The following PCCA variants were observed in gnomAD, a reference collection of about 807,000 sequenced individuals.
PCCA encodes propionyl-CoA carboxylase subunit alpha.
In PCCA, 74 loss-of-function variants were observed where a neutral mutation model predicts 101.3. That is an observed-to-expected ratio of 0.73 (90% CI 0.61 to 0.89). The LOEUF (loss-of-function observed/expected upper bound fraction) is 0.89, where lower values mean the gene tolerates loss of function less well. Among genes scored for constraint, PCCA ranks in the 40% least tolerant of loss-of-function variants. PCCA has a pLI of 0.00. For missense variants in PCCA, 891 were observed against 907.0 expected (o/e 0.98, Z 0.23); for synonymous variants, 294 against 313.6 (o/e 0.94, Z 0.66).
chr13:100,219,908 T>C (rs2059716151), intron 7 of PCCA, among the ~76,000 whole-genome samples: 1 of 152,228 alleles, frequency 6.6e-6, no homozygotes, highest in Non-Finnish European at 1.5e-5. Flanking sequence ...AAGGGTATCA[T>C]CTTATTCTGG....
At chr13:100,408,188 TTTAA>T (rs1214304636) in intron 19 of PCCA, among the ~76,000 whole-genome samples, 1 of 152,144 alleles carries the variant, frequency 6.6e-6, no homozygotes, top group Non-Finnish European at 1.5e-5. Flanking sequence ...GTTTTAATTG[TTTAA>T]TTGTGTGCTA....
At chr13:100,269,421 C>A (rs970306786) in intron 11 of PCCA, among the ~76,000 whole-genome samples, 36 of 152,088 alleles carry the variant, frequency 2.4e-4, no homozygotes, top group Admixed American at 1.8e-3. Context: ...TCTAGACTTT[C>A]ATGTTGGTGA....
At chr13:100,468,780 T>G (rs1190124773) in intron 21 of PCCA, among the ~76,000 whole-genome samples, 1 of 152,148 alleles carries the variant, frequency 6.6e-6, no homozygotes, top group Non-Finnish European at 1.5e-5. Context: ...ATCCCAGCAC[T>G]TTGGGAGGCC....
At position 100,450,388 on chromosome 13, in the gene PCCA, C is replaced by T. The variant is rs552965566; in HGVS notation, c.1899+1083C>T. Among the ~76,000 whole-genome samples the T allele has an allele frequency of 4.5e-3, 678 of 149,582 alleles. 5 individuals are homozygous for T. The highest frequency in any genetic ancestry group is 0.016 in the African/African-American group (647 of 40,706). On this transcript the variant is annotated intron_variant, in intron 21 of 23. Coordinates refer to ENST00000376285, the MANE Select transcript of PCCA (RefSeq NM_000282.4). ...TAGCTTGTGTGACAGAGCGAGACCC[C>T]GTCTCAAAAAAAAAAAAAGTACCTT...
In PCCA at chr13:100,128,983, A is replaced by G. The variant is rs541799317; in HGVS notation, c.300+16922A>G. Among the ~76,000 whole-genome samples the G allele has an allele frequency of 6.6e-5, 10 of 152,244 alleles. No homozygotes were observed. The South Asian group carries it at 1.9e-3, about 28-fold the overall frequency. The stretch of plus-strand genomic sequence containing the variant: ...TGTTTCTGTGGTTTTAATCAACCCT[A>G]GACTCCAACTCTGTTTTCTCTCTCT... On this transcript the variant is annotated intron_variant, in intron 4 of 23. Coordinates refer to ENST00000376285, the MANE Select transcript of PCCA (RefSeq NM_000282.4).
chr13:100,094,745 G>A (rs929376515), intron 1 of PCCA, among the ~76,000 whole-genome samples: 9 of 152,146 alleles, frequency 5.9e-5, no homozygotes, highest in African/African-American at 1.7e-4. Context: ...GTGCCACCAT[G>A]CCCAGCTAAT....
chr13:100,512,562 G>A (rs1281917809), intron 21 of PCCA, among the ~76,000 whole-genome samples: 1 of 152,064 alleles, frequency 6.6e-6, no homozygotes, highest in Non-Finnish European at 1.5e-5. Context: ...GACCAGCCCC[G>A]AGCTCACTGG....
chr13:100,126,296 A>G (rs971442440), intron 4 of PCCA, among the ~76,000 whole-genome samples: 2 of 151,190 alleles, frequency 1.3e-5, no homozygotes, highest in Middle Eastern at 6.3e-3. Context: ...TTTTTTTTTT[A>G]ACAGAGTCAT....
chr13:100,142,620 C>T (rs945530152), intron 4 of PCCA, among the ~76,000 whole-genome samples: 3 of 151,904 alleles, frequency 2.0e-5, no homozygotes, highest in African/African-American at 4.8e-5. Context: ...ATTACAAGTG[C>T]GTGCCACGAC....
chr13:100,304,441 T>C (rs2066302207), intron 14 of PCCA, among the ~76,000 whole-genome samples: 1 of 152,196 alleles, frequency 6.6e-6, no homozygotes, highest in African/African-American at 2.4e-5. Context: ...GCTGTAATTA[T>C]GTATCTCCAT....
intron 19 of PCCA, among the ~76,000 whole-genome samples, chr13:100,422,310 AT>A (rs932380386): frequency 3.3e-5 from 5 of 150,680 alleles, no homozygotes; most frequent in African/African-American, 7.3e-5. Context: ...AGTAAAAAAA[AT>A]TTTTTTTGTA....
chr13:100,336,104 A>C (rs569072496), intron 17 of PCCA, among the ~76,000 whole-genome samples: 2 of 152,082 alleles, frequency 1.3e-5, no homozygotes, highest in Admixed American at 1.3e-4. Context: ...CTCTACTAAA[A>C]ATACAAAATT....
In PCCA at chr13:100,246,451, A is replaced by C. The variant is rs1315909995; in HGVS notation, c.637+10573A>C. ...CAGCCACTGGAGTAGCTGGGACTACAGGCACATGCCACCACTTTTGGCTAA... is the reference window on the plus strand; with the variant it reads ...CAGCCACTGGAGTAGCTGGGACTACCGGCACATGCCACCACTTTTGGCTAA... On this transcript the variant is annotated intron_variant, in intron 8 of 23. Transcript: ENST00000376285. Among the ~76,000 whole-genome samples the C allele has an allele frequency of 2.0e-5, 3 of 152,094 alleles. No homozygotes were observed. The East Asian group carries it at 5.8e-4, about 29-fold the overall frequency.
intron 21 of PCCA, among the ~76,000 whole-genome samples, chr13:100,489,401 GTA>G (rs1404332086): frequency 2.0e-5 from 3 of 152,236 alleles, no homozygotes; most frequent in Non-Finnish European, 4.4e-5. Context: ...AACTGACAGT[GTA>G]ACATGCAAAA....
At chr13:100,343,454 A>G (rs776629877) in intron 18 of PCCA, among the ~76,000 whole-genome samples, 1 of 152,264 alleles carries the variant, frequency 6.6e-6, no homozygotes, top group African/African-American at 2.4e-5. Context: ...AAGAATAAAC[A>G]GCTACATTCA....
At chr13:100,325,100 T>C (rs909022233) in intron 16 of PCCA, among the ~76,000 whole-genome samples, 1 of 152,118 alleles carries the variant, frequency 6.6e-6, no homozygotes, top group African/African-American at 2.4e-5. Context: ...GTAAGGACCA[T>C]TGTAAAAAAA....
chr13:100,238,395 T>C (rs906972477), intron 8 of PCCA, among the ~76,000 whole-genome samples: 17 of 152,206 alleles, frequency 1.1e-4, no homozygotes, highest in Non-Finnish European at 2.5e-4. Context: ...CTACTGAAGT[T>C]ACCTAATCTA....
intron 21 of PCCA, among the ~76,000 whole-genome samples, chr13:100,500,915 G>A (rs758727486): frequency 3.3e-5 from 5 of 152,266 alleles, no homozygotes; most frequent in Admixed American, 2.0e-4. Flanking sequence ...AGGCCGAGGC[G>A]GGTAGATCAC....
At chr13:100,290,946 A>G (rs2065068825) in intron 12 of PCCA, among the ~76,000 whole-genome samples, 1 of 152,192 alleles carries the variant, frequency 6.6e-6, no homozygotes, top group African/African-American at 2.4e-5. Flanking sequence ...AGCCCTCCTT[A>G]CCTACTAGTT....
Sources: allele counts gnomAD v4.1 joint callset (sites outside exome capture counted in the v4.1 genomes callset), GRCh38; gene constraint gnomAD v4.1.1; transcripts MANE v1.5; gene names NCBI Gene and HGNC (gene_info 2026-07-23, HGNC 2026-07-21).